The following ADGRF1 variants were observed in gnomAD, a reference collection of about 807,000 sequenced individuals.
ADGRF1 encodes G protein-coupled receptor 110.
Under a neutral mutation model 87.2 loss-of-function variants are expected in ADGRF1, and 85 were observed. That is an observed-to-expected ratio of 0.97 (90% CI 0.82 to 1.17). The LOEUF is 1.17. Among genes scored for constraint, ADGRF1 ranks in the 50% most tolerant of loss-of-function variants. ADGRF1 has a pLI of 0.00. For missense variants in ADGRF1, 1,169 were observed against 1,077.2 expected (o/e 1.09, Z -1.19); for synonymous variants, 430 against 408.8 (o/e 1.05, Z -0.63).
At chr6:47,026,817 C>G (rs1561878191) in intron 3 of ADGRF1, among the ~76,000 whole-genome samples, 1 of 152,202 alleles carries the variant, frequency 6.6e-6, no homozygotes, top group African/African-American at 2.4e-5. Context: ...GGAGCCTCTT[C>G]CCCAGGCATT....
Position 47,009,584 on chromosome 6 carries a change from G to C in ADGRF1, c.1851C>G (p.Ser617Arg). 6.2e-7 allele frequency: 1 copy of C among 1,614,142 alleles called. No individual in the cohort carries two copies. The highest frequency in any genetic ancestry group is 8.5e-7 in the Non-Finnish European group (1 of 1,180,012). Residue 617 changes from serine to arginine, a missense_variant, in exon 11 of 15, where the codon AGC (serine) becomes AGG (arginine). Ser to Arg is a moderately radical substitution (Grantham distance 110, BLOSUM62 -1). Transcript: ENST00000371253. ...AAATACGACGTGTGTGAGAGGTTTG[G>C]CTTTTTTTAATCTGCTTCCAAAACA... is the stretch of plus-strand genomic sequence containing the variant. ...EALFWKQIKK[S>R]QTSHTRRICM...
At chr6:47,011,621 C>A (rs1779709305) in intron 10 of ADGRF1, among the ~76,000 whole-genome samples, 1 of 152,158 alleles carries the variant, frequency 6.6e-6, no homozygotes, top group Admixed American at 6.5e-5. Flanking sequence ...CCAAACTAAA[C>A]CATATTCAGT....
chr6:47,030,314 A>G (rs1256323963), intron 1 of ADGRF1, among the ~76,000 whole-genome samples: 1 of 152,176 alleles, frequency 6.6e-6, no homozygotes, highest in African/African-American at 2.4e-5. Context: ...TTCCTTTCGG[A>G]TGAATGGTCC....
intron 1 of ADGRF1, among the ~76,000 whole-genome samples, chr6:47,036,028 C>T (rs752863448): frequency 9.9e-5 from 15 of 152,058 alleles, no homozygotes; most frequent in Non-Finnish European, 1.6e-4. Flanking sequence ...CTCAGGAGTT[C>T]GAGACCAGCC....
intron 5 of ADGRF1, among the ~76,000 whole-genome samples, chr6:47,022,540 T>C (rs1316576714): frequency 3.9e-5 from 6 of 152,222 alleles, no homozygotes; most frequent in African/African-American, 1.4e-4. Flanking sequence ...TAGTCAAATA[T>C]CATCTCTTCC....
rs1779612140 is a variant in ADGRF1 at position 47,009,054 on chromosome 6, A to T, written c.2381T>A (p.Leu794His). 6.2e-7 allele frequency: 1 copy of T among 1,614,126 alleles called. No homozygotes were observed. The highest frequency in any genetic ancestry group is 1.3e-5 in the African/African-American group (1 of 75,038). ...ATIIRVGKSL[L>H]ILTPLLGLTW... The stretch of plus-strand genomic sequence containing the variant: ...GAGCCCTAGCAGAGGGGTCAGAATG[A>T]GGAGGCTCTTCCCCACGCGGATGAT... The change falls in exon 11 of 15, where the codon CTC becomes CAC. Residue 794 changes from leucine to histidine, a missense_variant. Coordinates refer to ENST00000371253, the MANE Select transcript of ADGRF1 (RefSeq NM_153840.4).
At chr6:47,022,634 C>G (rs1245189698) in intron 5 of ADGRF1, among the ~76,000 whole-genome samples, 1 of 152,124 alleles carries the variant, frequency 6.6e-6, no homozygotes. Flanking sequence ...GCCTCCCATC[C>G]TCTTACATAT....
intron 1 of ADGRF1, among the ~76,000 whole-genome samples, chr6:47,040,349 G>A (rs905929005): frequency 1.3e-5 from 2 of 152,150 alleles, no homozygotes; most frequent in African/African-American, 4.8e-5. Context: ...GTGGATGCCT[G>A]TAGTCCCAGC....
chr6:47,001,442 T>TGATATACTCA, intron 14 of ADGRF1, 59 bp downstream of exon 14: 1 of 1,343,150 alleles, frequency 7.4e-7, no homozygotes. Context: ...TTTATTCATA[T>TGATATACTCA]GATATACTCA....
chr6:47,011,218 C>A (rs1024691311), intron 10 of ADGRF1, among the ~76,000 whole-genome samples: 2 of 152,102 alleles, frequency 1.3e-5, no homozygotes, highest in African/African-American at 4.8e-5. Context: ...TTTAAAAAAA[C>A]AAATTGGAGT....
chr6:47,000,016 A>T lies in ADGRF1; in HGVS notation c.*206T>A, dbSNP rs1178845270. On this transcript the variant is annotated 3_prime_UTR_variant, in exon 15 of 15. Coordinates refer to ENST00000371253, the MANE Select transcript of ADGRF1 (RefSeq NM_153840.4). ...TGCATTTATGGAGCACTTTCTTTGA[A>T]TCAAATCACATGGAAATAAATCTTC... The T allele has an allele frequency of 8.2e-6, 4 of 488,988 alleles. No homozygotes were observed. Among genetic ancestry groups the T allele is most frequent in the African/African-American group, 1.9e-5 (1 of 51,920 alleles). 30.3% of individuals were successfully genotyped at this position (488,988 alleles called of 1,614,324 possible).
chr6:47,001,673 C>A, intron 13 of ADGRF1, 106 bp from the exon 14 acceptor site: 1 of 827,642 alleles, frequency 1.2e-6, no homozygotes, highest in East Asian at 2.7e-5. Flanking sequence ...ATTTCATTTT[C>A]ATAGGTGCTA....
intron 1 of ADGRF1, among the ~76,000 whole-genome samples, chr6:47,036,301 T>C (rs1780587320): frequency 6.6e-6 from 1 of 152,166 alleles, no homozygotes; most frequent in Admixed American, 6.5e-5. Context: ...GCTCACTCAC[T>C]ACCTGGTGAC....
At chr6:47,040,832 G>A (rs930010733) in intron 1 of ADGRF1, among the ~76,000 whole-genome samples, 1 of 152,172 alleles carries the variant, frequency 6.6e-6, no homozygotes, top group Admixed American at 6.5e-5. Flanking sequence ...GTTGTGTAAT[G>A]AAAGACATTA....
chr6:47,030,098 G>C (rs1358811179), intron 1 of ADGRF1, among the ~76,000 whole-genome samples: 1 of 152,072 alleles, frequency 6.6e-6, no homozygotes, highest in Non-Finnish European at 1.5e-5. Flanking sequence ...TTGCTTCCTG[G>C]GTGTGCTTAA....
At chr6:47,005,077 A>G (rs941666129) in intron 13 of ADGRF1, among the ~76,000 whole-genome samples, 2 of 152,228 alleles carry the variant, frequency 1.3e-5, no homozygotes, top group Non-Finnish European at 2.9e-5. Flanking sequence ...AAGTCAGTTG[A>G]CTTTTATAAA....
chr6:47,003,042 A>G (rs1779406841), intron 13 of ADGRF1, among the ~76,000 whole-genome samples: 1 of 152,150 alleles, frequency 6.6e-6, no homozygotes, highest in South Asian at 2.1e-4. Flanking sequence ...ATATCATGAC[A>G]CTGTAAACAA....
In ADGRF1 at chr6:47,042,280, AAAGT is replaced by A; in HGVS notation, c.-137_-134del. The A allele has an allele frequency of 6.6e-6, 1 of 152,340 alleles. No homozygotes were observed. The highest frequency in any genetic ancestry group is 2.1e-4 in the South Asian group (1 of 4,824). 9.4% of individuals were successfully genotyped at this position (152,340 alleles called of 1,614,324 possible). A position where few individuals can be genotyped will look rare whatever the true frequency, so the allele number is the denominator to read the frequency against. Reference sequence around the variant, plus strand: ...ATCACTTCTTATGCTGTTTGGAAAGAAAGTATCAGTATCTGAGCCACAGCAGCTC... The same window carrying A: ...ATCACTTCTTATGCTGTTTGGAAAGAATCAGTATCTGAGCCACAGCAGCTC... On this transcript the variant is annotated 5_prime_UTR_variant, in exon 1 of 15. It introduces an in-frame stop codon into an upstream open reading frame of the 5' UTR. Coordinates refer to ENST00000371253, the MANE Select transcript of ADGRF1 (RefSeq NM_153840.4).
At chr6:47,041,789 T>C (rs1286607132) in intron 1 of ADGRF1, among the ~76,000 whole-genome samples, 1 of 152,168 alleles carries the variant, frequency 6.6e-6, no homozygotes, top group African/African-American at 2.4e-5. Flanking sequence ...TTTTAAGAGA[T>C]TGCAAGGGTT....
Sources: gnomAD v4.1 joint callset for allele counts (sites outside exome capture counted in the v4.1 genomes callset) on GRCh38, gnomAD v4.1.1 for gene constraint, MANE v1.5 for transcripts, NCBI Gene and HGNC (gene_info 2026-07-23, HGNC 2026-07-21) for gene names.